Variants in FGD6 observed in about 807,000 individuals in gnomAD.
The protein encoded by FGD6 is FYVE, RhoGEF and PH domain containing 6, also known as FYVE, RhoGEF and PH domain-containing protein 6.
Under a neutral mutation model 149.4 loss-of-function variants are expected in FGD6, and 90 were observed. That is an observed-to-expected ratio of 0.60 (90% CI 0.51 to 0.72). FGD6 has a LOEUF of 0.72. FGD6 is among the 30% of genes least tolerant of loss of function. The probability of loss-of-function intolerance (pLI) is 0.00; values close to 1 mark genes in which losing one functional copy is unlikely to be tolerated. For synonymous variants in FGD6, 527 were observed against 584.0 expected, an observed-to-expected ratio of 0.90 and a Z score of 1.41; for missense variants, 1,437 against 1,684.8, an observed-to-expected ratio of 0.85 and a Z score of 2.57.
At chr12:95,112,167 G>A (rs753246373) in intron 9 of FGD6, among the ~76,000 whole-genome samples, 9 of 151,996 alleles carry the variant, frequency 5.9e-5, no homozygotes, top group South Asian at 2.1e-4. Context: ...CCAGGAGGTT[G>A]AGGCTGCAGT....
At chr12:95,180,372 ATTTTTTT>A (rs5800188) in intron 2 of FGD6, among the ~76,000 whole-genome samples, 6 of 112,358 alleles carry the variant, frequency 5.3e-5, no homozygotes, top group African/African-American at 7.1e-5. Context: ...TAAAAGACAG[ATTTTTTT>A]TTTTTTTTTT....
chr12:95,112,183 G>A lies in FGD6; in HGVS notation c.3133+1468C>T, dbSNP rs139153189. Reference sequence around the variant, plus strand: ...CAGGAGGTTGAGGCTGCAGTGAGCCGTGTTCATGCCACTGCACTCCAGCCT... The same window carrying A: ...CAGGAGGTTGAGGCTGCAGTGAGCCATGTTCATGCCACTGCACTCCAGCCT... On this transcript the variant is annotated intron_variant, in intron 9 of 20. Transcript: ENST00000343958. Among the ~76,000 whole-genome samples the A allele has an allele frequency of 9.0e-3, 1,361 of 152,016 alleles. 21 individuals carry two copies. The highest frequency in any genetic ancestry group is 0.031 in the African/African-American group (1,286 of 41,476).
chr12:95,134,100 C>T (rs1274287962), intron 8 of FGD6, among the ~76,000 whole-genome samples: 1 of 151,994 alleles, frequency 6.6e-6, no homozygotes, highest in African/African-American at 2.4e-5. Context: ...ATAGTAAAAG[C>T]TAATACTTAT....
intron 2 of FGD6, among the ~76,000 whole-genome samples, chr12:95,193,583 T>C (rs933482275): frequency 1.0e-4 from 15 of 149,060 alleles, no homozygotes; most frequent in Admixed American, 9.4e-4. Context: ...GGCTGGAGTG[T>C]AGTGGCGTGA....
At chr12:95,154,054 G>T (rs1880394116) in intron 3 of FGD6, among the ~76,000 whole-genome samples, 1 of 151,970 alleles carries the variant, frequency 6.6e-6, no homozygotes, top group Non-Finnish European at 1.5e-5. Context: ...CTGCCTCCGG[G>T]GTTCGAGAGA....
intron 3 of FGD6, among the ~76,000 whole-genome samples, chr12:95,169,741 T>C (rs970155999): frequency 2.0e-5 from 3 of 152,066 alleles, no homozygotes; most frequent in African/African-American, 4.8e-5. Context: ...ACCAAAACAA[T>C]AGAAAAGAGT....
chr12:95,192,755 A>G (rs537297777), intron 2 of FGD6, among the ~76,000 whole-genome samples: 1 of 152,294 alleles, frequency 6.6e-6, no homozygotes, highest in South Asian at 2.1e-4. Context: ...GAAGGGGAGG[A>G]TTTCCACAAA....
chr12:95,091,373 A>T (rs1360530973), intron 17 of FGD6, among the ~76,000 whole-genome samples: 1 of 152,256 alleles, frequency 6.6e-6, no homozygotes, highest in African/African-American at 2.4e-5. Context: ...ACATATAGAT[A>T]AAATGATTTG....
At chr12:95,186,222 C>CTTT (rs1565918752) in intron 2 of FGD6, among the ~76,000 whole-genome samples, 1 of 10,300 alleles carries the variant, frequency 9.7e-5, no homozygotes, top group Non-Finnish European at 1.5e-4. Flanking sequence ...TTCTTATATT[C>CTTT]TTCTTCTTTT....
At chr12:95,116,531 T>C (rs187146124) in intron 8 of FGD6, among the ~76,000 whole-genome samples, 1 of 152,300 alleles carries the variant, frequency 6.6e-6, no homozygotes, top group Admixed American at 6.5e-5. Flanking sequence ...TCAGAATCAC[T>C]GTGCTGAGCC....
chr12:95,206,174 C>A (rs1196254374), intron 2 of FGD6, among the ~76,000 whole-genome samples: 1 of 151,808 alleles, frequency 6.6e-6, no homozygotes, highest in African/African-American at 2.4e-5. Flanking sequence ...CCCCAATGGC[C>A]AAACCTCCAA....
chr12:95,206,462 A>G (rs1196265605), intron 2 of FGD6, among the ~76,000 whole-genome samples: 1 of 152,092 alleles, frequency 6.6e-6, no homozygotes, highest in Non-Finnish European at 1.5e-5. Context: ...AGATGGGAGG[A>G]TCACTTGAGC....
intron 2 of FGD6, among the ~76,000 whole-genome samples, chr12:95,205,270 A>T (rs977070142): frequency 6.6e-6 from 1 of 151,832 alleles, no homozygotes; most frequent in Non-Finnish European, 1.5e-5. Context: ...TCTGTCTCAA[A>T]AAAAAAAAAA....
At chr12:95,087,898 A>T (rs992710831) in intron 18 of FGD6, among the ~76,000 whole-genome samples, 5 of 152,174 alleles carry the variant, frequency 3.3e-5, no homozygotes, top group South Asian at 2.1e-4. Flanking sequence ...GTAATTTTTT[A>T]AAAAACTAGA....
intron 2 of FGD6, among the ~76,000 whole-genome samples, chr12:95,177,188 C>T (rs1881158485): frequency 1.3e-5 from 2 of 152,100 alleles, no homozygotes; most frequent in Non-Finnish European, 2.9e-5. Flanking sequence ...GAACAGAAAA[C>T]CTGTACAATG....
intron 3 of FGD6, among the ~76,000 whole-genome samples, chr12:95,172,039 G>T (rs11107919): frequency 3.5e-5 from 2 of 56,956 alleles, no homozygotes; most frequent in African/African-American, 7.5e-5. Flanking sequence ...ATTCTAAGGG[G>T]GGGGGGGTTG....
intron 5 of FGD6, among the ~76,000 whole-genome samples, chr12:95,143,364 T>C (rs1879913456): frequency 6.6e-6 from 1 of 152,072 alleles, no homozygotes; most frequent in Non-Finnish European, 1.5e-5. Context: ...AGGATTCTTT[T>C]TCTAAAGGAT....
intron 8 of FGD6, among the ~76,000 whole-genome samples, chr12:95,115,913 G>A (rs1163038515): frequency 1.3e-5 from 2 of 152,184 alleles, no homozygotes; most frequent in Admixed American, 6.5e-5. Flanking sequence ...CTGGCAATAA[G>A]CCATGGTGAG....
intron 8 of FGD6, among the ~76,000 whole-genome samples, chr12:95,120,242 AAAATAAAT>A (rs200231268): frequency 1.2e-4 from 18 of 151,722 alleles, no homozygotes; most frequent in African/African-American, 4.1e-4. Flanking sequence ...TAAATAAATA[AAAATAAAT>A]AAATAAATAA....
Sources: allele counts gnomAD v4.1 joint callset (sites outside exome capture counted in the v4.1 genomes callset), GRCh38; gene constraint gnomAD v4.1.1; transcripts MANE v1.5; gene names NCBI Gene and HGNC (gene_info 2026-07-23, HGNC 2026-07-21).